MSN: variants seen among roughly 807,000 people sequenced by gnomAD.
MSN encodes the protein epididymis luminal protein 70.
Under a neutral mutation model 48.0 loss-of-function variants are expected in MSN, and 2 were observed. That is an observed-to-expected ratio of 0.04 (90% CI 0.02 to 0.13). MSN has a LOEUF of 0.13. MSN is among the 10% of genes least tolerant of loss of function. The pLI, the probability that MSN is intolerant of heterozygous loss-of-function variation, is 1.00. For missense variants in MSN, 267 were observed against 470.1 expected (o/e 0.57, Z 3.99); for synonymous variants, 146 against 166.9 (o/e 0.87, Z 0.97).
chrX:65,592,931 C>G (rs1199735925), intron 1 of MSN, among the ~76,000 whole-genome samples: 2 of 110,648 alleles, frequency 1.8e-5, no homozygotes, highest in Non-Finnish European at 3.8e-5. Context: ...ATCCCAGCTA[C>G]TCAGGAGGCA....
chrX:65,722,665 C>T (rs911967433), intron 2 of MSN, among the ~76,000 whole-genome samples: 7 of 110,528 alleles, frequency 6.3e-5, no homozygotes, highest in African/African-American at 1.7e-4. Context: ...AAGATCTGCC[C>T]CGCCCCAGCC....
chrX:65,662,383 A>G (rs2070830204), intron 1 of MSN, among the ~76,000 whole-genome samples: 2 of 112,389 alleles, frequency 1.8e-5, no homozygotes, highest in African/African-American at 6.5e-5. Context: ...ACATCAAACT[A>G]TACTATAAAG....
At chrX:65,726,444 C>A (rs1163860505) in intron 2 of MSN, among the ~76,000 whole-genome samples, 2 of 111,355 alleles carry the variant, frequency 1.8e-5, no homozygotes, top group Non-Finnish European at 3.8e-5. Flanking sequence ...GTTTACTGTT[C>A]AGCGCCTGAC....
intron 1 of MSN, among the ~76,000 whole-genome samples, chrX:65,700,735 A>C (rs2071293930): frequency 8.9e-6 from 1 of 112,053 alleles, no homozygotes; most frequent in Non-Finnish European, 1.9e-5. Flanking sequence ...AAATGGGTTT[A>C]ATAATGCTTA....
At chrX:65,733,712 G>A (rs1368542349) in intron 7 of MSN, among the ~76,000 whole-genome samples, 4 of 111,059 alleles carry the variant, frequency 3.6e-5, no homozygotes, top group Non-Finnish European at 7.6e-5. Flanking sequence ...TTTTGATGGA[G>A]TCTCGCTCTG....
At chrX:65,670,952 A>T (rs1370706964) in intron 1 of MSN, among the ~76,000 whole-genome samples, 1 of 54,487 alleles carries the variant, frequency 1.8e-5, no homozygotes, top group East Asian at 6.2e-4. Context: ...ATATATATAT[A>T]TATTTAAAAA....
At chrX:65,658,146 C>T (rs1009358576) in intron 1 of MSN, among the ~76,000 whole-genome samples, 8 of 111,888 alleles carry the variant, frequency 7.2e-5, no homozygotes, top group African/African-American at 2.6e-4. Flanking sequence ...CATGATTTTC[C>T]TACTACTGCA....
At chrX:65,654,627 T>G (rs2070768345) in intron 1 of MSN, among the ~76,000 whole-genome samples, 1 of 110,595 alleles carries the variant, frequency 9.0e-6, no homozygotes, top group African/African-American at 3.3e-5. Flanking sequence ...GGTGGCACTT[T>G]CTCTCTCTCT....
intron 11 of MSN, 130 bp downstream of exon 11, chrX:65,738,747 A>G: frequency 1.5e-6 from 1 of 661,672 alleles, no homozygotes; most frequent in South Asian, 2.9e-5. Context: ...GCATGGGAGA[A>G]GGCACTCATG....
intron 1 of MSN, among the ~76,000 whole-genome samples, chrX:65,600,398 C>T (rs187089938): frequency 2.7e-5 from 3 of 111,669 alleles, no homozygotes; most frequent in East Asian, 2.8e-4. Context: ...TTAAACTGAT[C>T]GGCTAAAGGA....
At chrX:65,658,123 G>C (rs188039991) in intron 1 of MSN, among the ~76,000 whole-genome samples, 4 of 112,027 alleles carry the variant, frequency 3.6e-5, no homozygotes, top group Admixed American at 1.9e-4. Flanking sequence ...ACAAGACTGA[G>C]GATGGTTAAA....
At chrX:65,628,564 C>G (rs2070527694) in intron 1 of MSN, among the ~76,000 whole-genome samples, 1 of 111,819 alleles carries the variant, frequency 8.9e-6, no homozygotes, top group Non-Finnish European at 1.9e-5. Context: ...GCCTTCGGGC[C>G]TGTGATAGGA....
Position 65,736,925 on chromosome X carries a change from G to C in MSN, c.1090G>C (p.Glu364Gln). ...GGAACAGACTAAGAAGGCTCAGCAA[G>C]GTGAGGCTTGGAGTCACCTTGGAGA... ...IEEQTKKAQQ[E>Q]LEEQTRRALE... is the part of the protein sequence containing the mutation. The change falls in exon 9 of 13, where the codon GAA (glutamate) becomes CAA (glutamine). Residue 364 changes from glutamate to glutamine, a missense_variant and splice_region_variant. Transcript: ENST00000360270. The C allele has an allele frequency of 8.3e-7, 1 of 1,209,220 alleles. No homozygotes were observed. Among genetic ancestry groups the C allele is most frequent in the Non-Finnish European group, 1.1e-6 (1 of 894,320 alleles).
chrX:65,631,762 C>A (rs765229879), intron 1 of MSN, among the ~76,000 whole-genome samples: 1 of 111,847 alleles, frequency 8.9e-6, no homozygotes, highest in African/African-American at 3.2e-5. Flanking sequence ...GCAGCCTCAA[C>A]CTTCTGGGCT....
intron 1 of MSN, among the ~76,000 whole-genome samples, chrX:65,690,659 A>C (rs2071163396): frequency 9.0e-6 from 1 of 111,564 alleles, no homozygotes; most frequent in Non-Finnish European, 1.9e-5. Flanking sequence ...ATCCATGTGG[A>C]CTTGCAGGGC....
chrX:65,609,479 C>T (rs981589330), intron 1 of MSN, among the ~76,000 whole-genome samples: 1 of 111,291 alleles, frequency 9.0e-6, no homozygotes, highest in Admixed American at 9.6e-5. Flanking sequence ...ATATAAAGCA[C>T]GTAGCTCTAC....
chrX:65,598,211 GAGAC>G (rs2070202213), intron 1 of MSN, among the ~76,000 whole-genome samples: 1 of 110,767 alleles, frequency 9.0e-6, no homozygotes, highest in African/African-American at 3.3e-5. Flanking sequence ...AAGAGGCAAA[GAGAC>G]AGAGAAAAGA....
intron 1 of MSN, among the ~76,000 whole-genome samples, chrX:65,633,995 T>C (rs953572530): frequency 1.8e-5 from 2 of 111,600 alleles, no homozygotes; most frequent in African/African-American, 6.5e-5. Context: ...CTTCTTCACC[T>C]TCTTTATCAA....
chrX:65,655,542 C>T (rs937983182), intron 1 of MSN, among the ~76,000 whole-genome samples: 1 of 112,004 alleles, frequency 8.9e-6, no homozygotes, highest in Admixed American at 9.5e-5. Context: ...TTACGAGGAC[C>T]TCAGTACTTT....
Sources: allele counts gnomAD v4.1 joint callset (sites outside exome capture counted in the v4.1 genomes callset), GRCh38; gene constraint gnomAD v4.1.1; transcripts MANE v1.5; gene names NCBI Gene and HGNC (gene_info 2026-07-23, HGNC 2026-07-21).